The following AGAP2 variants were observed in gnomAD, a reference collection of about 807,000 sequenced individuals.
The protein encoded by AGAP2 is arf-GAP with GTPase, ANK repeat and PH domain-containing protein 2.
In AGAP2, 32 loss-of-function variants were observed where a neutral mutation model predicts 110.9. The ratio of observed to expected loss-of-function variants is 0.29; its 90% CI spans 0.22 to 0.39. The LOEUF (loss-of-function observed/expected upper bound fraction) is 0.39. Ranked by LOEUF, AGAP2 falls within the 10% of genes least tolerant of loss-of-function variation. The pLI is 1.00. For missense variants in AGAP2, 1,285 were observed against 1,638.5 expected, an observed-to-expected ratio of 0.78 and a Z score of 3.72; for synonymous variants, 702 against 713.0, an observed-to-expected ratio of 0.98 and a Z score of 0.25.
Position 57,737,785 on chromosome 12 carries a change from C to T in AGAP2, c.462G>A (p.Glu154=). Residue 154 remains glutamate, a synonymous_variant, in exon 1 of 19, where the codon GAG becomes GAA. Coordinates refer to ENST00000547588, the MANE Select transcript of AGAP2 (RefSeq NM_001122772.3). The surrounding 1 kb of genome is among the most constrained non-coding windows in gnomAD (Gnocchi z 5.9). The part of the protein sequence containing the change: ...LLSSPSWGGP[E]PEGRAGGGIP... ...TGCCGCCGCCCGCCCGGCCTTCGGG[C>T]TCCGGGCCGCCCCAGCTCGGGCTGC... 3 of 1,530,004 alleles carry T rather than the reference C, an allele frequency of 2.0e-6. No individual in the cohort carries two copies. In the Admixed American group the frequency reaches 5.9e-5, roughly 30 times the overall value. 94.8% of individuals were successfully genotyped at this position (1,530,004 alleles called of 1,614,324 possible). A position where few individuals can be genotyped will look rare whatever the true frequency, so the allele number is the denominator to read the frequency against.
rs138992134 is a variant in AGAP2 at position 57,732,416 on chromosome 12, G to T, written c.1781C>A (p.Pro594Gln). The T allele has an allele frequency of 4.4e-5, 70 of 1,604,052 alleles. 1 individual carries two copies. Among genetic ancestry groups the T allele is most frequent in the Middle Eastern group, 3.3e-4 (2 of 6,074 alleles). The change falls in exon 7 of 19, where the codon CCG becomes CAG. Residue 594 changes from proline (P) to glutamine (Q), a missense_variant. Pro to Gln is a moderately conservative substitution (Grantham distance 76, BLOSUM62 -1). Transcript: ENST00000547588. The part of the protein sequence containing the change: ...SSPSHSAAST[P>Q]VAGQASNGGH... ...ACCCCAACTCACCTGGCCAGCTACC[G>T]GAGTGGATGCAGCTGAGTGGCTTGG...
chr12:57,734,827 G>A (rs1436516088), intron 2 of AGAP2, 148 bp from the exon 3 acceptor site: 2 of 704,464 alleles, frequency 2.8e-6, no homozygotes, highest in Non-Finnish European at 4.9e-6. Flanking sequence ...GAGAGCAGTT[G>A]GGAGGATCAG....
At chr12:57,728,870 C>T (rs752679129) in intron 13 of AGAP2, among the ~76,000 whole-genome samples, 9 of 151,966 alleles carry the variant, frequency 5.9e-5, no homozygotes, top group East Asian at 5.8e-4. Flanking sequence ...AGAAAGTTAT[C>T]GGGAGAAGGC....
chr12:57,727,769 C>G lies in AGAP2; in HGVS notation c.2769G>C (p.Leu923=), dbSNP rs1343057763. The G allele has an allele frequency of 6.3e-7, 1 of 1,578,722 alleles. No homozygotes were observed. Among genetic ancestry groups the G allele is most frequent in the Non-Finnish European group, 8.6e-7 (1 of 1,161,156 alleles). ...LQCCESSKVK[L]RTDSQSEAVA... is the part of the protein sequence containing the mutation. ...CGGCCTCGCTTTGGCTGTCTGTGCG[C>G]AGCTGCAGAGAGGGTTTGGGTTGGC... Residue 923 remains leucine (L), a splice_region_variant and synonymous_variant, in exon 16 of 19, where the codon CTG becomes CTC. Coordinates refer to ENST00000547588, the MANE Select transcript of AGAP2 (RefSeq NM_001122772.3).
chr12:57,728,941 C>T (rs1224947132), intron 13 of AGAP2, among the ~76,000 whole-genome samples: 2 of 151,866 alleles, frequency 1.3e-5, no homozygotes, highest in East Asian at 3.9e-4. Flanking sequence ...TTTGGGAGGC[C>T]GAGGCGGGCA....
rs764304949 is a variant in AGAP2, at chr12:57,727,195, C to G, written c.3115G>C (p.Glu1039Gln). 3.1e-6 allele frequency: 5 copies of G among 1,611,256 alleles called. No individual in the cohort carries two copies. Among genetic ancestry groups the G allele is most frequent in the African/African-American group, 2.7e-5 (2 of 74,904 alleles). The stretch of plus-strand genomic sequence containing the variant: ...AGCGGCGCCAGGAACAGTAGCTGCT[C>G]GTACTTGGCGCGAATCCACGACTCG... ...ERESWIRAKY[E>Q]QLLFLAPLST... Residue 1039 changes from glutamate to glutamine, a missense_variant, in exon 18 of 19, where the codon GAG (glutamate) becomes CAG (glutamine). By Grantham distance (29) the Glu-to-Gln change is conservative. This residue lies in a region of AGAP2 where 201 missense variants were observed against 276.1 expected (regional missense o/e 0.73). Coordinates refer to ENST00000547588, the MANE Select transcript of AGAP2 (RefSeq NM_001122772.3).
At chr12:57,728,150 A>T in intron 14 of AGAP2, 65 bp from the exon 15 acceptor site, 1 of 1,549,588 alleles carries the variant, frequency 6.5e-7, no homozygotes, top group Non-Finnish European at 8.7e-7. Context: ...CTTTCCCAAG[A>T]CCGTCCTCCC....
chr12:57,738,023 G>C lies in AGAP2; in HGVS notation c.224C>G (p.Ala75Gly). Residue 75 changes from alanine to glycine, a missense_variant, in exon 1 of 19, where the codon GCG becomes GGG. Transcript: ENST00000547588. This position sits in a 1 kb window ranked among gnomAD's most constrained non-coding sequence, Gnocchi z 6.7. The stretch of plus-strand genomic sequence containing the variant: ...CGCGCTGCTCGTGCTGATCCACAGC[G>C]CATCCTGCCGGTGGAAGAGACGTTC... The part of the protein sequence containing the change: ...RHERLFHRQD[A>G]LWISTSSAGT... The C allele has an allele frequency of 6.6e-7, 1 of 1,516,046 alleles. No individual in the cohort carries two copies. Among genetic ancestry groups the C allele is most frequent in the Admixed American group, 2.0e-5 (1 of 49,250 alleles). 93.9% of individuals were successfully genotyped at this position (1,516,046 alleles called of 1,614,324 possible). A position where few individuals can be genotyped will look rare whatever the true frequency, so the allele number is the denominator to read the frequency against.
At chr12:57,728,902 G>A (rs1005085286) in intron 13 of AGAP2, among the ~76,000 whole-genome samples, 1 of 152,150 alleles carries the variant, frequency 6.6e-6, no homozygotes, top group Admixed American at 6.5e-5. Context: ...ACTCATGCCT[G>A]TAATCCCCAC....
Position 57,737,540 on chromosome 12 carries a change from G to A in AGAP2, c.707C>T (p.Ala236Val). The change falls in exon 1 of 19, where the codon GCC becomes GTC. Residue 236 changes from alanine to valine, a missense_variant. Physicochemically the swap from Ala to Val is moderately conservative, Grantham distance 64. This residue lies in a region of AGAP2 where 844 missense variants were observed against 941.2 expected (regional missense o/e 0.90). Coordinates refer to ENST00000547588, the MANE Select transcript of AGAP2 (RefSeq NM_001122772.3). The surrounding 1 kb of genome is among the most constrained non-coding windows in gnomAD (Gnocchi z 5.9). ...SSAGTGASVS[A>V]AATAAAAGGG... is the part of the protein sequence containing the mutation. ...CCCGGCGGCGGCGGCGGTGGCGGCG[G>A]CAGAGACCGAAGCTCCAGTCCCGGC... 1 of 1,557,342 alleles carries A rather than the reference G, an allele frequency of 6.4e-7. No homozygotes were observed. Among genetic ancestry groups the A allele is most frequent in the South Asian group, 1.2e-5 (1 of 85,180 alleles).
intron 13 of AGAP2, 150 bp from the exon 14 acceptor site, chr12:57,728,527 G>A: frequency 1.2e-6 from 1 of 821,436 alleles, no homozygotes; most frequent in South Asian, 1.7e-5. Flanking sequence ...AGACAGATGG[G>A]GAGAGAAAGC....
Position 57,726,329 on chromosome 12 carries a change from A to C in AGAP2, c.*223T>G. The C allele has an allele frequency of 3.3e-6, 1 of 306,808 alleles. No homozygotes were observed. Among genetic ancestry groups the C allele is most frequent in the Non-Finnish European group, 5.7e-6 (1 of 176,586 alleles). The allele number at this position is 306,808 out of a possible 1,614,324, so 19.0% of individuals were successfully genotyped here. A position where few individuals can be genotyped will look rare whatever the true frequency, so the allele number is the denominator to read the frequency against. ...AGCAATCCGAGTGTGGAAACAATGG[A>C]GAGGGGGCGTGTTGAGCTGGGGTCT... On this transcript the variant is annotated 3_prime_UTR_variant, in exon 19 of 19. Coordinates refer to ENST00000547588, the MANE Select transcript of AGAP2 (RefSeq NM_001122772.3). This position sits in a 1 kb window ranked among gnomAD's most constrained non-coding sequence, Gnocchi z 5.7.
At position 57,738,340 on chromosome 12, in the gene AGAP2, CAGCCCCCGGACCCCGCTG is replaced by C; in HGVS notation, c.-112_-95del. On this transcript the variant is annotated 5_prime_UTR_variant, in exon 1 of 19. Transcript: ENST00000547588. This position sits in a 1 kb window ranked among gnomAD's most constrained non-coding sequence, Gnocchi z 6.7. ...ATGGGGCCGCCCTGCTCGCTGCCCC[CAGCCCCCGGACCCCGCTG>C]AGCCCCCGGCCCGGCTCCGCTGTCG... The C allele has an allele frequency of 7.6e-7, 1 of 1,309,922 alleles. No homozygotes were observed. The highest frequency in any genetic ancestry group is 1.9e-5 in the South Asian group (1 of 52,190). The allele number at this position is 1,309,922 out of a possible 1,614,324, so 81.1% of individuals were successfully genotyped here. A position where few individuals can be genotyped will look rare whatever the true frequency, so the allele number is the denominator to read the frequency against.
chr12:57,736,706 A>G (rs967066847), intron 1 of AGAP2, among the ~76,000 whole-genome samples: 4 of 152,110 alleles, frequency 2.6e-5, no homozygotes, highest in African/African-American at 9.7e-5. Context: ...CATCCCCTTC[A>G]CCTTCAACGT....
Position 57,731,649 on chromosome 12 carries a change from T to G in AGAP2, c.1954-7A>C. The G allele has an allele frequency of 6.2e-7, 1 of 1,614,004 alleles. No homozygotes were observed. The highest frequency in any genetic ancestry group is 2.2e-5 in the East Asian group (1 of 44,884). On this transcript the variant is annotated splice_region_variant and splice_polypyrimidine_tract_variant and intron_variant, in intron 8 of 18. Coordinates refer to ENST00000547588, the MANE Select transcript of AGAP2 (RefSeq NM_001122772.3). ...AGTCACTACCCCGACGATTCTGGAA[T>G]GGTTATTGGAATCAGTTTGAGGATG...
chr12:57,734,667 C>T lies in AGAP2; in HGVS notation c.1240G>A (p.Asp414Asn), dbSNP rs775376899. The change falls in exon 3 of 19, where the codon GAT (aspartate) becomes AAT (asparagine). Residue 414 changes from aspartate to asparagine, a missense_variant. Physicochemically the swap from Asp to Asn is conservative, Grantham distance 23. Coordinates refer to ENST00000547588, the MANE Select transcript of AGAP2 (RefSeq NM_001122772.3). ...AGCGATGACTTCCCACTCCTGGCAT[C>T]GCCCAGCACACCCTGAGGGCAAGGT... Reference protein sequence around the residue: ...IPELRLGVLGDARSGKSSLIH... With the variant: ...IPELRLGVLGNARSGKSSLIH... The T allele has an allele frequency of 6.2e-6, 10 of 1,613,960 alleles. No homozygotes were observed. Among genetic ancestry groups the T allele is most frequent in the African/African-American group, 4.0e-5 (3 of 74,874 alleles).
At chr12:57,724,514 T>C (rs907949080), downstream of AGAP2, 3 of 152,254 alleles carry the variant, frequency 2.0e-5, no homozygotes, top group African/African-American at 2.4e-5. Flanking sequence ...GTCCCTTTGA[T>C]GGCACGGAGG....
At position 57,735,399 on chromosome 12, in the gene AGAP2, A is replaced by G; in HGVS notation, c.1197T>C (p.Thr399=). 6.2e-7 allele frequency: 1 copy of G among 1,613,938 alleles called. No homozygotes were observed. Among genetic ancestry groups the G allele is most frequent in the East Asian group, 2.2e-5 (1 of 44,874 alleles). The change falls in exon 2 of 19, where the codon ACT becomes ACC. Residue 399 remains threonine (T), a synonymous_variant. Transcript: ENST00000547588. ...PKAVINSQEW[T]LSRSIPELRL... ...GCAGTTCAGGAATGGAGCGGCTCAA[A>G]GTCCATTCCTGGCTATTGATCACAG...
intron 12 of AGAP2, among the ~76,000 whole-genome samples, chr12:57,730,124 A>T (rs11172315): frequency 0.42 from 63,278 of 151,176 alleles, 13,506 homozygotes; most frequent in East Asian, 0.64. Context: ...ATATATATAT[A>T]TTTTTTTTCA....
Sources: allele counts gnomAD v4.1 joint callset (sites outside exome capture counted in the v4.1 genomes callset), GRCh38; gene constraint gnomAD v4.1.1; regional missense constraint gnomAD v4.1.1; non-coding constraint Gnocchi (gnomAD v3.1); transcripts MANE v1.5; gene names NCBI Gene and HGNC (gene_info 2026-07-23, HGNC 2026-07-21).